UGCG: variants seen among roughly 807,000 people sequenced by gnomAD.
UGCG encodes the protein ceramide glucosyltransferase.
UGCG carries 10 observed loss-of-function variants against 49.5 expected under a neutral mutation model. That is an observed-to-expected ratio of 0.20 (90% CI 0.12 to 0.34). The LOEUF (loss-of-function observed/expected upper bound fraction) is 0.34, where lower values mean the gene tolerates loss of function less well. UGCG is among the 10% of genes least tolerant of loss of function. The pLI is 1.00. For synonymous variants in UGCG, 182 were observed against 158.2 expected (o/e 1.15, Z -1.13); for missense variants, 312 against 483.7 (o/e 0.65, Z 3.33).
chr9:111,915,705 G>T (rs142443616), intron 2 of UGCG: 3 of 811,020 alleles, frequency 3.7e-6, no homozygotes, highest in East Asian at 1.2e-4. Context: ...GATGATATGC[G>T]CACTACACTT....
chr9:111,931,204 T>C (rs567064513), intron 6 of UGCG, 67 bp from the exon 7 acceptor site: 1 of 1,466,994 alleles, frequency 6.8e-7, no homozygotes, highest in Admixed American at 1.8e-5. Context: ...GATTACTGAA[T>C]GCATAACCAG....
chr9:111,919,448 A>C (rs1838176059), intron 2 of UGCG, among the ~76,000 whole-genome samples: 5 of 151,630 alleles, frequency 3.3e-5, no homozygotes, highest in Admixed American at 2.0e-4. Context: ...ACGCCACTGC[A>C]CTCCAGCCTG....
rs754000620 is a variant in UGCG at position 111,922,958 on chromosome 9, A to T, written c.343+7A>T. ...GATGCTAGATTGTTTATAGGTAAGT[A>T]ACAAATTCTGTAGTAACCATTTTCC... On this transcript the variant is annotated splice_region_variant and intron_variant, in intron 3 of 8. Coordinates refer to ENST00000374279, the MANE Select transcript of UGCG (RefSeq NM_003358.3). 5 of 1,581,100 alleles carry T rather than the reference A, an allele frequency of 3.2e-6. No individual in the cohort carries two copies. Among genetic ancestry groups the T allele is most frequent in the Non-Finnish European group, 4.3e-6 (5 of 1,153,028 alleles).
intron 6 of UGCG, among the ~76,000 whole-genome samples, chr9:111,929,911 C>T (rs570642250): frequency 6.6e-6 from 1 of 151,874 alleles, no homozygotes; most frequent in Non-Finnish European, 1.5e-5. Context: ...CTCTGCCTCC[C>T]GGGTTCAGGT....
chr9:111,897,150 C>A lies in UGCG; in HGVS notation c.-66C>A. On this transcript the variant is annotated 5_prime_UTR_variant, in exon 1 of 9. Transcript: ENST00000374279. ...CCGCACCGGGCGCCCACCCTGTCCT[C>A]CTCCTGCGGGAGCGTTGTCCGTGTT... 6.9e-7 allele frequency: 1 copy of A among 1,442,164 alleles called. No homozygotes were observed. Among genetic ancestry groups the A allele is most frequent in the Admixed American group, 2.1e-5 (1 of 48,658 alleles). The allele number at this position is 1,442,164 out of a possible 1,614,324, so 89.3% of individuals were successfully genotyped here.
intron 1 of UGCG, 68 bp downstream of exon 1, chr9:111,897,381 A>T (rs3780519): frequency 0.33 from 439,037 of 1,317,160 alleles, 75,010 homozygotes; most frequent in East Asian, 0.42. Flanking sequence ...GAGAATGGGA[A>T]ACGTTTGCGC....
rs1043661349 is a variant in UGCG, at chr9:111,932,042, CAAAA to C, written c.825-124_825-121del. 38 of 967,116 alleles carry C rather than the reference CAAAA, an allele frequency of 3.9e-5. No individual in the cohort carries two copies. In the East Asian group the frequency reaches 8.7e-4, roughly 22 times the overall value. The allele number at this position is 967,116 out of a possible 1,614,324, so 59.9% of individuals were successfully genotyped here. On this transcript the variant is annotated intron_variant, in intron 7 of 8. Coordinates refer to ENST00000374279, the MANE Select transcript of UGCG (RefSeq NM_003358.3). ...CTCAAGTAAAAAAAAAAAAACAAAA[CAAAA>C]AAAGTTTAAAGAGAATGGTCTTTCT...
At chr9:111,929,379 T>C in intron 5 of UGCG, 121 bp from the exon 6 acceptor site, 1 of 1,032,388 alleles carries the variant, frequency 9.7e-7, no homozygotes, top group Non-Finnish European at 1.4e-6. Context: ...GTAGTCTACG[T>C]AAGAATAATA....
intron 5 of UGCG, among the ~76,000 whole-genome samples, chr9:111,928,190 A>T (rs562348026): frequency 5.3e-5 from 8 of 152,326 alleles, no homozygotes; most frequent in Admixed American, 5.2e-4. Flanking sequence ...GGCCTTTGGC[A>T]GTTTGAACCA....
intron 1 of UGCG, among the ~76,000 whole-genome samples, chr9:111,912,763 C>A (rs1179220528): frequency 6.6e-6 from 1 of 152,084 alleles, no homozygotes; most frequent in Non-Finnish European, 1.5e-5. Context: ...TGGACCAGAC[C>A]ACACTTTGAG....
At chr9:111,914,426 G>A (rs1177195502) in intron 1 of UGCG, among the ~76,000 whole-genome samples, 179 bp from the exon 2 acceptor site, 1 of 152,124 alleles carries the variant, frequency 6.6e-6, no homozygotes, top group African/African-American at 2.4e-5. Flanking sequence ...GTGTTGGACC[G>A]CATTCAAAGC....
intron 2 of UGCG, among the ~76,000 whole-genome samples, chr9:111,922,585 T>C (rs1838246185): frequency 6.6e-6 from 1 of 152,208 alleles, no homozygotes; most frequent in South Asian, 2.1e-4. Flanking sequence ...GATTCCTATC[T>C]GGGAATGGCA....
At position 111,932,832 on chromosome 9, in the gene UGCG, C is replaced by T; in HGVS notation, c.1020C>T (p.Gly340=). Residue 340 remains glycine, a synonymous_variant, in exon 9 of 9, where the codon GGC becomes GGT. Transcript: ENST00000374279. ...DYIQLRGVQG[G]TLCFSKLDYA... is the part of the protein sequence containing the mutation. ...ATTTTTTTTTCCATTCCTAGGGTGG[C>T]ACACTGTGTTTTTCAAAACTTGATT... 3.1e-6 allele frequency: 5 copies of T among 1,591,846 alleles called. No individual in the cohort carries two copies. Among genetic ancestry groups the T allele is most frequent in the Non-Finnish European group, 2.6e-6 (3 of 1,168,222 alleles).
At chr9:111,921,664 GTT>G (rs1838223409) in intron 2 of UGCG, among the ~76,000 whole-genome samples, 1 of 147,876 alleles carries the variant, frequency 6.8e-6, no homozygotes. Flanking sequence ...AAAAAAAAAA[GTT>G]GGGTTGTTAA....
chr9:111,914,018 G>C (rs968202319), intron 1 of UGCG, among the ~76,000 whole-genome samples: 4 of 151,934 alleles, frequency 2.6e-5, no homozygotes, highest in African/African-American at 9.7e-5. Flanking sequence ...TCTTTTAACT[G>C]TGTATTATCC....
At chr9:111,908,307 C>T (rs1837930353) in intron 1 of UGCG, among the ~76,000 whole-genome samples, 2 of 152,100 alleles carry the variant, frequency 1.3e-5, no homozygotes, top group African/African-American at 4.8e-5. Context: ...ACAAACATAA[C>T]GCAACCCAAA....
chr9:111,925,405 T>C (rs1455412090), intron 4 of UGCG, among the ~76,000 whole-genome samples: 1 of 152,252 alleles, frequency 6.6e-6, no homozygotes, highest in Non-Finnish European at 1.5e-5. Flanking sequence ...AATATTTTCT[T>C]ATATTCTAAT....
intron 2 of UGCG, among the ~76,000 whole-genome samples, chr9:111,921,576 G>C (rs1047866653): frequency 3.3e-5 from 5 of 151,624 alleles, no homozygotes; most frequent in Non-Finnish European, 7.4e-5. Flanking sequence ...GATTGAACCT[G>C]GGAGGCGGAG....
intron 2 of UGCG, among the ~76,000 whole-genome samples, chr9:111,915,167 T>C (rs541696595): frequency 2.6e-5 from 4 of 152,254 alleles, no homozygotes; most frequent in Non-Finnish European, 5.9e-5. Context: ...AAACTGGCTT[T>C]GAGCCAAGAA....
Sources: gnomAD v4.1 joint callset for allele counts (sites outside exome capture counted in the v4.1 genomes callset) on GRCh38, gnomAD v4.1.1 for gene constraint, MANE v1.5 for transcripts, NCBI Gene and HGNC (gene_info 2026-07-23, HGNC 2026-07-21) for gene names.